The following ST3GAL6 variants were observed in gnomAD, a reference collection of about 807,000 sequenced individuals.
ST3GAL6 encodes type 2 lactosamine alpha-2,3-sialyltransferase.
Under a neutral mutation model 40.5 loss-of-function variants are expected in ST3GAL6, and 31 were observed. That is an observed-to-expected ratio of 0.77 (90% CI 0.58 to 1.03). The LOEUF (loss-of-function observed/expected upper bound fraction) is 1.03, where lower values mean the gene tolerates loss of function less well. ST3GAL6 is among the 50% of genes least tolerant of loss of function. ST3GAL6 has a pLI of 0.00. For missense variants in ST3GAL6, 357 were observed against 393.2 expected (o/e 0.91, Z 0.78); for synonymous variants, 129 against 136.9 (o/e 0.94, Z 0.40).
intron 1 of ST3GAL6, among the ~76,000 whole-genome samples, chr3:98,740,662 C>T (rs1936003705): frequency 6.6e-6 from 1 of 152,058 alleles, no homozygotes; most frequent in Admixed American, 6.6e-5. Context: ...AAATAATATC[C>T]ACATCACAGT....
chr3:98,775,473 T>TC (rs1010749780), intron 5 of ST3GAL6, among the ~76,000 whole-genome samples: 11 of 74,910 alleles, frequency 1.5e-4, no homozygotes, highest in Non-Finnish European at 2.5e-4. Flanking sequence ...AGACTTCGTC[T>TC]CAAAAAAAAA....
At chr3:98,743,122 C>T (rs985906055) in intron 1 of ST3GAL6, among the ~76,000 whole-genome samples, 20 of 151,090 alleles carry the variant, frequency 1.3e-4, no homozygotes, top group Non-Finnish European at 1.9e-4. Context: ...ATCCTCCAGC[C>T]TTAGCCTCTG....
chr3:98,748,422 G>A (rs2107322190), intron 1 of ST3GAL6, among the ~76,000 whole-genome samples: 2 of 152,220 alleles, frequency 1.3e-5, no homozygotes, highest in Admixed American at 1.3e-4. Flanking sequence ...CTGGAATGTA[G>A]TAAGTGTGCA....
At chr3:98,792,668 G>A (rs1471592274) in intron 9 of ST3GAL6, among the ~76,000 whole-genome samples, 10 of 117,106 alleles carry the variant, frequency 8.5e-5, no homozygotes, top group Admixed American at 4.2e-4. Flanking sequence ...CACCACGACC[G>A]GCTAATTTTT....
chr3:98,738,581 G>A (rs1935783480), intron 1 of ST3GAL6, among the ~76,000 whole-genome samples: 1 of 152,136 alleles, frequency 6.6e-6, no homozygotes, highest in Non-Finnish European at 1.5e-5. Context: ...CCCAAACTCA[G>A]GTATTTCTTT....
At position 98,793,719 on chromosome 3, in the gene ST3GAL6, CATT is replaced by C. The variant is rs1046975858; in HGVS notation, c.957_959del (p.Ile320del). Reference sequence around the variant, plus strand: ...CTGCAGAGCAGCTCTTTTTGAAGGACATTATAGAAAAAAACCTCGTAATCAACT... The same window carrying C: ...CTGCAGAGCAGCTCTTTTTGAAGGACATAGAAAAAAACCTCGTAATCAACT... On this transcript the variant is annotated inframe_deletion, in exon 10 of 10. Coordinates refer to ENST00000483910, the MANE Select transcript of ST3GAL6 (RefSeq NM_001323368.2). 1.2e-6 allele frequency: 2 copies of C among 1,600,644 alleles called. No individual in the cohort carries two copies. The highest frequency in any genetic ancestry group is 8.5e-7 in the Non-Finnish European group (1 of 1,174,446).
chr3:98,766,657 G>A (rs1425790692), intron 1 of ST3GAL6, among the ~76,000 whole-genome samples: 1 of 152,046 alleles, frequency 6.6e-6, no homozygotes, highest in Non-Finnish European at 1.5e-5. Context: ...TCCTGACCTC[G>A]TGATCCACCT....
chr3:98,732,879 C>G (rs1228794931), intron 1 of ST3GAL6: 2 of 1,512,760 alleles, frequency 1.3e-6, no homozygotes, highest in Non-Finnish European at 1.8e-6. Context: ...GCAGGCGCCG[C>G]GAGAGAGGCA....
chr3:98,737,302 C>T (rs1007660217), intron 1 of ST3GAL6, among the ~76,000 whole-genome samples: 3 of 152,186 alleles, frequency 2.0e-5, no homozygotes, highest in East Asian at 1.9e-4. Flanking sequence ...CCGCCCACTT[C>T]GGCCTCCTAA....
intron 1 of ST3GAL6, among the ~76,000 whole-genome samples, chr3:98,737,757 A>G (rs568192149): frequency 1.3e-4 from 20 of 152,326 alleles, no homozygotes; most frequent in African/African-American, 4.3e-4. Flanking sequence ...CTCACATTCA[A>G]TGATATCCAA....
chr3:98,746,437 C>T (rs899703821), intron 1 of ST3GAL6, among the ~76,000 whole-genome samples: 9 of 151,826 alleles, frequency 5.9e-5, no homozygotes, highest in Admixed American at 3.3e-4. Context: ...TTGGGGATTG[C>T]GTACACTTCT....
chr3:98,752,510 T>C (rs1361199337), intron 1 of ST3GAL6, among the ~76,000 whole-genome samples: 1 of 152,130 alleles, frequency 6.6e-6, no homozygotes, highest in Admixed American at 6.6e-5. Flanking sequence ...CTTGCTGTGT[T>C]GCCCAGGCTG....
chr3:98,762,041 T>C (rs904160935), upstream of ST3GAL6, among the ~76,000 whole-genome samples: 6 of 151,850 alleles, frequency 4.0e-5, no homozygotes, highest in Non-Finnish European at 8.8e-5. Flanking sequence ...AGAAGGCTTA[T>C]CTTTAATTAA....
chr3:98,751,047 T>C (rs923167046), intron 1 of ST3GAL6, among the ~76,000 whole-genome samples: 2 of 149,552 alleles, frequency 1.3e-5, no homozygotes, highest in Admixed American at 1.3e-4. Context: ...AAATAATCTT[T>C]TTTTTTTTTT....
chr3:98,739,893 A>G (rs999790382), intron 1 of ST3GAL6, among the ~76,000 whole-genome samples: 8 of 152,228 alleles, frequency 5.3e-5, no homozygotes, highest in African/African-American at 1.4e-4. Context: ...ACATTTTAGA[A>G]CAGCAATTAA....
At chr3:98,757,225 T>C (rs1002102888) in intron 1 of ST3GAL6, among the ~76,000 whole-genome samples, 1 of 152,228 alleles carries the variant, frequency 6.6e-6, no homozygotes, top group African/African-American at 2.4e-5. Context: ...AGCAAATTTG[T>C]TTGGAGATCT....
At chr3:98,775,173 C>T (rs1939408671) in intron 5 of ST3GAL6, among the ~76,000 whole-genome samples, 2 of 151,732 alleles carry the variant, frequency 1.3e-5, no homozygotes, top group South Asian at 4.2e-4. Context: ...GCCTGGATGT[C>T]TGAGTTAAGA....
chr3:98,777,492 C>T (rs1422531041), intron 5 of ST3GAL6, among the ~76,000 whole-genome samples: 1 of 152,204 alleles, frequency 6.6e-6, no homozygotes, highest in Non-Finnish European at 1.5e-5. Flanking sequence ...CACAAGGCCA[C>T]CCCTAGCTGG....
At chr3:98,793,416 G>T (rs531954288) in intron 9 of ST3GAL6, among the ~76,000 whole-genome samples, 1 of 152,096 alleles carries the variant, frequency 6.6e-6, no homozygotes, top group Non-Finnish European at 1.5e-5. Context: ...ACCATGATTC[G>T]GTCTACCAGG....
Sources: gnomAD v4.1 joint callset for allele counts (sites outside exome capture counted in the v4.1 genomes callset) on GRCh38, gnomAD v4.1.1 for gene constraint, MANE v1.5 for transcripts, NCBI Gene and HGNC (gene_info 2026-07-23, HGNC 2026-07-21) for gene names.